Variants in CMSS1 observed in about 807,000 individuals in gnomAD.
CMSS1 encodes protein CMSS1.
Under a neutral mutation model 43.5 loss-of-function variants are expected in CMSS1, and 33 were observed. The ratio of observed to expected loss-of-function variants is 0.76; its 90% confidence interval spans 0.57 to 1.01. CMSS1 has a LOEUF of 1.01. Ranked by LOEUF, CMSS1 falls within the 50% of genes least tolerant of loss-of-function variation. The pLI is 0.00. For missense variants in CMSS1, 313 were observed against 326.4 expected, an observed-to-expected ratio of 0.96 and a Z score of 0.32; for synonymous variants, 115 against 117.2, an observed-to-expected ratio of 0.98 and a Z score of 0.12.
chr3:99,949,871 C>T (rs1172321727), intron 1 of CMSS1, among the ~76,000 whole-genome samples: 1 of 152,026 alleles, frequency 6.6e-6, no homozygotes, highest in South Asian at 2.1e-4. Context: ...CAATTATTAC[C>T]AAGGACATTC....
chr3:99,918,295 A>C (rs1237414276), intron 1 of CMSS1, among the ~76,000 whole-genome samples: 1 of 152,128 alleles, frequency 6.6e-6, no homozygotes, highest in Non-Finnish European at 1.5e-5. Context: ...ATATACCAGA[A>C]AACTAAAGAT....
chr3:99,916,241 C>T (rs1706945509), intron 1 of CMSS1, among the ~76,000 whole-genome samples: 1 of 152,162 alleles, frequency 6.6e-6, no homozygotes, highest in African/African-American at 2.4e-5. Context: ...TGCACTGGCA[C>T]ATCAATCTTC....
intron 1 of CMSS1, among the ~76,000 whole-genome samples, chr3:99,820,820 G>A (rs793467): frequency 0.74 from 112,067 of 152,168 alleles, 41,916 homozygotes; most frequent in African/African-American, 0.88. Context: ...TCAGCCTAAA[G>A]TATGTGAATT....
rs765504740 is a variant in CMSS1 at position 99,850,850 on chromosome 3, G to A, written c.64+32807G>A. On this transcript the variant is annotated intron_variant, in intron 1 of 9. Coordinates refer to ENST00000421999, the MANE Select transcript of CMSS1 (RefSeq NM_032359.4). ...TCCTCCTGAACTCTGGCTTCAGCAA[G>A]GGCTAGTTTGGTATGTGTTTCCTTT... 5.0e-6 allele frequency: 8 copies of A among 1,614,146 alleles called. No individual in the cohort carries two copies. In the South Asian group the frequency reaches 7.7e-5, roughly 16 times the overall value.
At chr3:99,840,213 C>T (rs1016568011) in intron 1 of CMSS1, among the ~76,000 whole-genome samples, 4 of 143,094 alleles carry the variant, frequency 2.8e-5, no homozygotes, top group African/African-American at 7.8e-5. Context: ...GAAATTAATT[C>T]GTAGAATCTT....
In CMSS1 at chr3:100,027,191, A is replaced by G. The variant is rs145623641; in HGVS notation, c.65-119782A>G. Reference sequence around the variant, plus strand: ...TGCTTTTTGTTTCTCCTTATCACATATGGTCTAGTACACTCCATCAATTTT... The same window carrying G: ...TGCTTTTTGTTTCTCCTTATCACATGTGGTCTAGTACACTCCATCAATTTT... On this transcript the variant is annotated intron_variant, in intron 1 of 9. Coordinates refer to ENST00000421999, the MANE Select transcript of CMSS1 (RefSeq NM_032359.4). Among the ~76,000 whole-genome samples, 685 of 152,108 alleles carry G rather than the reference A, an allele frequency of 4.5e-3. 7 individuals are homozygous for G. The highest frequency in any genetic ancestry group is 0.016 in the African/African-American group (671 of 41,504).
intron 1 of CMSS1, among the ~76,000 whole-genome samples, chr3:100,126,774 G>A (rs1208301016): frequency 6.6e-6 from 1 of 152,124 alleles, no homozygotes; most frequent in Non-Finnish European, 1.5e-5. Context: ...CGAGGCCGGT[G>A]GATCACGAGG....
At chr3:100,049,543 A>G (rs998282571) in intron 1 of CMSS1, among the ~76,000 whole-genome samples, 20 of 152,314 alleles carry the variant, frequency 1.3e-4, no homozygotes, top group African/African-American at 4.8e-4. Flanking sequence ...TCATTGAGGG[A>G]ATAAAAGTGA....
chr3:100,135,912 C>G (rs1314154736), intron 1 of CMSS1, among the ~76,000 whole-genome samples: 1 of 152,070 alleles, frequency 6.6e-6, no homozygotes, highest in Non-Finnish European at 1.5e-5. Context: ...TCCAAAAGTT[C>G]TAGCTTTAAA....
Position 100,172,422 on chromosome 3 carries a change from G to A in CMSS1, c.667+19G>A. The A allele has an allele frequency of 6.3e-7, 1 of 1,577,518 alleles. No individual in the cohort carries two copies. Among genetic ancestry groups the A allele is most frequent in the East Asian group, 2.2e-5 (1 of 44,678 alleles). ...AAACAAGGTATGACAAGAGGGCAGT[G>A]ATACTCTTGCCCAGGGCTGGGAGTT... On this transcript the variant is annotated intron_variant, in intron 8 of 9. Coordinates refer to ENST00000421999, the MANE Select transcript of CMSS1 (RefSeq NM_032359.4).
intron 1 of CMSS1, among the ~76,000 whole-genome samples, chr3:99,916,057 C>A (rs1706940817): frequency 6.6e-6 from 1 of 152,114 alleles, no homozygotes; most frequent in Non-Finnish European, 1.5e-5. Flanking sequence ...CATGGGATGT[C>A]TGAATAGCTG....
chr3:99,937,549 G>T (rs1199062559), intron 1 of CMSS1, among the ~76,000 whole-genome samples: 1 of 152,176 alleles, frequency 6.6e-6, no homozygotes. Flanking sequence ...GGCCTTGGGC[G>T]TCAGTGAGCC....
intron 1 of CMSS1, among the ~76,000 whole-genome samples, chr3:99,902,149 A>G (rs772267183): frequency 6.6e-6 from 1 of 152,188 alleles, no homozygotes; most frequent in South Asian, 2.1e-4. Flanking sequence ...TATATTAGAC[A>G]TTTGTGGAGG....
intron 8 of CMSS1, among the ~76,000 whole-genome samples, chr3:100,175,256 A>C (rs920851574): frequency 6.6e-6 from 1 of 152,186 alleles, no homozygotes; most frequent in African/African-American, 2.4e-5. Context: ...CATAGAAGGA[A>C]ATTTATTTTA....
chr3:100,145,622 T>C (rs982516510), intron 1 of CMSS1, among the ~76,000 whole-genome samples: 1 of 152,136 alleles, frequency 6.6e-6, no homozygotes, highest in Admixed American at 6.5e-5. Flanking sequence ...GGAGAGCTGA[T>C]AGTTTAGTTC....
chr3:99,871,595 G>A (rs1944788529), intron 1 of CMSS1, among the ~76,000 whole-genome samples: 1 of 152,218 alleles, frequency 6.6e-6, no homozygotes, highest in African/African-American at 2.4e-5. Context: ...CTTCATAGGT[G>A]ACTTCCTCTG....
intron 1 of CMSS1, among the ~76,000 whole-genome samples, chr3:100,124,267 G>T (rs1334440688): frequency 6.6e-6 from 1 of 152,140 alleles, no homozygotes; most frequent in Non-Finnish European, 1.5e-5. Flanking sequence ...AAATTCTGAG[G>T]TGAGAGATAT....
intron 1 of CMSS1, among the ~76,000 whole-genome samples, chr3:99,970,642 T>C (rs1222548468): frequency 6.6e-6 from 1 of 151,990 alleles, no homozygotes; most frequent in Non-Finnish European, 1.5e-5. Context: ...GTCACAAGAG[T>C]TTAAAAAGAG....
chr3:100,125,734 G>T (rs1481745169), intron 1 of CMSS1, among the ~76,000 whole-genome samples: 1 of 152,190 alleles, frequency 6.6e-6, no homozygotes, highest in Non-Finnish European at 1.5e-5. Context: ...GGGGCATCCT[G>T]ACTTGGACAT....
Sources: allele counts gnomAD v4.1 joint callset (sites outside exome capture counted in the v4.1 genomes callset), GRCh38; gene constraint gnomAD v4.1.1; transcripts MANE v1.5; gene names NCBI Gene and HGNC (gene_info 2026-07-23, HGNC 2026-07-21).